NPR1: variants seen among roughly 807,000 people sequenced by gnomAD.
NPR1 encodes natriuretic peptide receptor 1.
A neutral mutation model predicts 116.9 loss-of-function variants in NPR1; 57 were observed. The observed-to-expected ratio is 0.49, with a 90% CI of 0.39 to 0.61. NPR1 has a LOEUF of 0.61. Among genes scored for constraint, NPR1 ranks in the 20% least tolerant of loss-of-function variants. The pLI, the probability that NPR1 is intolerant of heterozygous loss-of-function variation, is 0.00. For missense variants in NPR1, 1,096 were observed against 1,409.8 expected, an observed-to-expected ratio of 0.78 and a Z score of 3.56; for synonymous variants, 555 against 601.6, an observed-to-expected ratio of 0.92 and a Z score of 1.13.
chr1:153,687,785 CA>C lies in NPR1; in HGVS notation c.2247del (p.Glu750ArgfsTer6). On this transcript the variant is annotated frameshift_variant, in exon 14 of 22. Coordinates refer to ENST00000368680, the MANE Select transcript of NPR1 (RefSeq NM_000906.4). LOFTEE classifies it high-confidence loss of function. ...ACGTGGAAGGTTTGGACCTGAGCCC[CA>C]AAGGTGAGAGGAGCACACCTTCCTT... ...FHVEGLDLSPKEIIERVTRGE... is the reference protein window; with the variant it reads ...FHVEGLDLSPXEIIERVTRGE... The C allele has an allele frequency of 6.3e-7, 1 of 1,584,106 alleles. No individual in the cohort carries two copies. The highest frequency in any genetic ancestry group is 1.7e-4 in the Middle Eastern group (1 of 5,938).
chr1:153,685,043 A>G lies in NPR1; in HGVS notation c.1564A>G (p.Arg522Gly), dbSNP rs142613858. ...WEDVEPSSLERHLRSAGSRLT... is the reference protein window; with the variant it reads ...WEDVEPSSLEGHLRSAGSRLT... ...GGACGTTGAGCCCAGTAGCCTTGAG[A>G]GGCACCTGCGGAGTGCAGGCAGCCG... The change falls in exon 8 of 22, where the codon AGG becomes GGG. Residue 522 changes from arginine to glycine, a missense_variant. Transcript: ENST00000368680. 2 of 1,613,916 alleles carry G rather than the reference A, an allele frequency of 1.2e-6. No individual in the cohort carries two copies. Among genetic ancestry groups the G allele is most frequent in the Non-Finnish European group, 1.7e-6 (2 of 1,180,018 alleles).
Position 153,686,207 on chromosome 1 carries a change from T to C in NPR1, c.1758+7T>C. On this transcript the variant is annotated splice_region_variant and intron_variant, in intron 10 of 21. Coordinates refer to ENST00000368680, the MANE Select transcript of NPR1 (RefSeq NM_000906.4). ...CCTGTTTGAACTGAAGCATGTAATG[T>C]GGGGAGTGAGGCAGTGGCATGGAGA... 1 of 1,613,366 alleles carries C rather than the reference T, an allele frequency of 6.2e-7. No homozygotes were observed. The highest frequency in any genetic ancestry group is 8.5e-7 in the Non-Finnish European group (1 of 1,179,684).
rs867091853 is a variant in NPR1, at chr1:153,693,507, G to A, written c.*93G>A. 1.1e-5 allele frequency: 13 copies of A among 1,132,806 alleles called. No homozygotes were observed. Among genetic ancestry groups the A allele is most frequent in the African/African-American group, 1.6e-5 (1 of 64,330 alleles). 70.2% of individuals were successfully genotyped at this position (1,132,806 alleles called of 1,614,324 possible). ...CAGCCTCACCCACAGCAGCCCCATC[G>A]CCAAAGGATGGAAGTAATTTGAATA... On this transcript the variant is annotated 3_prime_UTR_variant, in exon 22 of 22. Transcript: ENST00000368680.
Position 153,679,224 on chromosome 1 carries a change from T to C in NPR1, c.116T>C (p.Val39Ala). Residue 39 changes from valine (V) to alanine (A), a missense_variant, in exon 1 of 22, where the codon GTG becomes GCG. Transcript: ENST00000368680. The surrounding 1 kb of genome is among the most constrained non-coding windows in gnomAD (Gnocchi z 4.2). ...CACGCGGGCAACCTGACGGTAGCCG[T>C]GGTACTGCCGCTGGCCAATACCTCG... ...GSHAGNLTVA[V>A]VLPLANTSYP... The C allele has an allele frequency of 6.6e-7, 1 of 1,523,862 alleles. No homozygotes were observed. Among genetic ancestry groups the C allele is most frequent in the South Asian group, 1.2e-5 (1 of 82,674 alleles). The allele number at this position is 1,523,862 out of a possible 1,614,324, so 94.4% of individuals were successfully genotyped here. A position where few individuals can be genotyped will look rare whatever the true frequency, so the allele number is the denominator to read the frequency against.
intron 14 of NPR1, 35 bp downstream of exon 14, chr1:153,687,824 AGT>A: frequency 6.5e-6 from 10 of 1,545,730 alleles, no homozygotes; most frequent in Non-Finnish European, 7.9e-6. Flanking sequence ...ACCCAGCCAC[AGT>A]CTCAACGAAC....
chr1:153,682,921 C>A (rs1669822031), intron 5 of NPR1, among the ~76,000 whole-genome samples: 1 of 152,222 alleles, frequency 6.6e-6, no homozygotes, highest in Admixed American at 6.5e-5. Context: ...TGCAAGCGAG[C>A]AGGGACAGGA....
chr1:153,680,845 A>G, intron 2 of NPR1, 145 bp downstream of exon 2: 1 of 714,724 alleles, frequency 1.4e-6, no homozygotes, highest in Non-Finnish European at 2.3e-6. Flanking sequence ...CTCACAGAAC[A>G]GAAAAGAGGT....
At chr1:153,686,063 T>C in intron 9 of NPR1, 60 bp from the exon 10 acceptor site, 9 of 1,567,054 alleles carry the variant, frequency 5.7e-6, no homozygotes, top group Non-Finnish European at 7.9e-6. Flanking sequence ...CGGGAGCAGC[T>C]GGAATTCCCA....
Position 153,678,968 on chromosome 1 carries a change from G to A in NPR1, c.-141G>A, listed in dbSNP as rs1024451014. The A allele has an allele frequency of 3.5e-6, 4 of 1,135,948 alleles. No individual in the cohort carries two copies. The highest frequency in any genetic ancestry group is 4.6e-6 in the Non-Finnish European group (4 of 865,822). The allele number at this position is 1,135,948 out of a possible 1,614,324, so 70.4% of individuals were successfully genotyped here. On this transcript the variant is annotated 5_prime_UTR_variant, in exon 1 of 22. Transcript: ENST00000368680. This position sits in a 1 kb window ranked among gnomAD's most constrained non-coding sequence, Gnocchi z 5.8. Reference sequence around the variant, plus strand: ...GACCGTCGCAGCTACAGGGGGCCTCGAGCCCCGGGGTGAGCGTCCCCGTCC... The same window carrying A: ...GACCGTCGCAGCTACAGGGGGCCTCAAGCCCCGGGGTGAGCGTCCCCGTCC...
chr1:153,683,861 G>A, intron 7 of NPR1, 37 bp downstream of exon 7: 1 of 1,590,674 alleles, frequency 6.3e-7, no homozygotes, highest in Non-Finnish European at 8.6e-7. Context: ...GAGGCTGGGG[G>A]ACCCGGAGAA....
chr1:153,681,211 A>T lies in NPR1; in HGVS notation c.953A>T (p.Asp318Val), dbSNP rs773668543. The T allele has an allele frequency of 3.1e-6, 5 of 1,613,026 alleles. No homozygotes were observed. Among genetic ancestry groups the T allele is most frequent in the Non-Finnish European group, 4.2e-6 (5 of 1,179,004 alleles). Residue 318 changes from aspartate (D) to valine (V), a missense_variant, in exon 3 of 22, where the codon GAT becomes GTT. Coordinates refer to ENST00000368680, the MANE Select transcript of NPR1 (RefSeq NM_000906.4). ...AAAATCATTACATATAAAGACCCAG[A>T]TAATCCCGAGTACTTGGAATTCCTG... ...AAKIITYKDP[D>V]NPEYLEFLKQ... is the part of the protein sequence containing the mutation.
intron 2 of NPR1, 44 bp from the exon 3 acceptor site, chr1:153,681,136 T>G: frequency 8.2e-7 from 1 of 1,221,094 alleles, no homozygotes. Flanking sequence ...TACTAGGGAA[T>G]AGTCAGCTCC....
In NPR1 at chr1:153,679,812, T is replaced by C. The variant is rs1309169768; in HGVS notation, c.704T>C (p.Met235Thr). The C allele has an allele frequency of 2.6e-6, 4 of 1,543,088 alleles. No individual in the cohort carries two copies. The African/African-American group carries it at 4.1e-5, about 16-fold the overall frequency. Residue 235 changes from methionine (M) to threonine (T), a missense_variant, in exon 1 of 22, where the codon ATG becomes ACG. Transcript: ENST00000368680. The surrounding 1 kb of genome is among the most constrained non-coding windows in gnomAD (Gnocchi z 4.2). ...LSHYTRLLRT[M>T]PRKGRVIYIC... ...CACTACACCAGGCTGCTGCGGACCA[T>C]GCCGCGCAAAGGCCGAGGTGAGACG... is the stretch of plus-strand genomic sequence containing the variant.
rs749365139 is a variant in NPR1 at position 153,680,626 on chromosome 1, G to A, written c.847G>A (p.Gly283Arg). Reference sequence around the variant, plus strand: ...TATCTTTGGGCAAAGCCTGCAAGGTGGACAGGGCCCTGCTCCCCGCAGGCC... The same window carrying A: ...TATCTTTGGGCAAAGCCTGCAAGGTAGACAGGGCCCTGCTCCCCGCAGGCC... ...LDIFGQSLQG[G>R]QGPAPRRPWE... Residue 283 changes from glycine (G) to arginine (R), a missense_variant, in exon 2 of 22, where the codon GGA (glycine) becomes AGA (arginine). By Grantham distance (125) the Gly-to-Arg change is moderately radical. Coordinates refer to ENST00000368680, the MANE Select transcript of NPR1 (RefSeq NM_000906.4). The A allele has an allele frequency of 6.2e-7, 1 of 1,614,168 alleles. No individual in the cohort carries two copies. The highest frequency in any genetic ancestry group is 1.1e-5 in the South Asian group (1 of 91,088).
At chr1:153,681,973 C>A in intron 4 of NPR1, 134 bp downstream of exon 4, 2 of 1,056,046 alleles carry the variant, frequency 1.9e-6, no homozygotes, top group Non-Finnish European at 2.7e-6. Context: ...CAGCTTTTTT[C>A]AGGCCCATCC....
chr1:153,685,821 G>T lies in NPR1; in HGVS notation c.1621G>T (p.Gly541Cys), dbSNP rs61757359. 2 of 1,613,960 alleles carry T rather than the reference G, an allele frequency of 1.2e-6. No homozygotes were observed. The highest frequency in any genetic ancestry group is 2.7e-5 in the African/African-American group (2 of 74,886). ...LTLSGRGSNYGSLLTTEGQFQ... is the reference protein window; with the variant it reads ...LTLSGRGSNYCSLLTTEGQFQ... Reference sequence around the variant, plus strand: ...CTCCTTTCAGAGAGGCTCCAATTACGGCTCCCTGCTAACCACAGAGGGCCA... The same window carrying T: ...CTCCTTTCAGAGAGGCTCCAATTACTGCTCCCTGCTAACCACAGAGGGCCA... The change falls in exon 9 of 22, where the codon GGC becomes TGC. Residue 541 changes from glycine (G) to cysteine (C), a missense_variant. Physicochemically the swap from Gly to Cys is radical, Grantham distance 159. Coordinates refer to ENST00000368680, the MANE Select transcript of NPR1 (RefSeq NM_000906.4).
In NPR1 at chr1:153,687,338, G is replaced by A. The variant is rs764101300; in HGVS notation, c.2074G>A (p.Gly692Arg). The stretch of plus-strand genomic sequence containing the variant: ...CTTCAGGGACCTGGACCCAGAGCAA[G>A]GACACACCGTTTATGCCAGTGAGCC... ...ESFRDLDPEQGHTVYAKKLWT... is the reference protein window; with the variant it reads ...ESFRDLDPEQRHTVYAKKLWT... Residue 692 changes from glycine to arginine, a missense_variant, in exon 13 of 22, where the codon GGA becomes AGA. Coordinates refer to ENST00000368680, the MANE Select transcript of NPR1 (RefSeq NM_000906.4). The A allele has an allele frequency of 7.4e-6, 12 of 1,614,094 alleles. No individual in the cohort carries two copies. The highest frequency in any genetic ancestry group is 1.7e-4 in the Middle Eastern group (1 of 6,058).
At chr1:153,686,816 A>G in intron 11 of NPR1, 66 bp downstream of exon 11, 1 of 1,454,968 alleles carries the variant, frequency 6.9e-7, no homozygotes, top group South Asian at 1.2e-5. Context: ...GACTGGCCAT[A>G]AGACCCCAGG....
At chr1:153,686,344 T>G in intron 10 of NPR1, 144 bp downstream of exon 10, 1 of 801,510 alleles carries the variant, frequency 1.2e-6, no homozygotes, top group Non-Finnish European at 2.1e-6. Flanking sequence ...ACCTTCATCT[T>G]GTGGGTGGGA....
Sources: gnomAD v4.1 joint callset for allele counts (sites outside exome capture counted in the v4.1 genomes callset) on GRCh38, gnomAD v4.1.1 for gene constraint, Gnocchi (gnomAD v3.1) non-coding constraint, MANE v1.5 for transcripts, NCBI Gene and HGNC (gene_info 2026-07-23, HGNC 2026-07-21) for gene names.